Variants in CCDC57 observed in about 807,000 individuals in gnomAD.
The protein encoded by CCDC57 is coiled-coil domain containing 57.
Under a neutral mutation model 118.9 loss-of-function variants are expected in CCDC57, and 118 were observed. The ratio of observed to expected loss-of-function variants is 0.99; its 90% CI spans 0.86 to 1.16. CCDC57 has a LOEUF of 1.16. Among genes scored for constraint, CCDC57 ranks in the 50% most tolerant of loss-of-function variants. The probability of loss-of-function intolerance (pLI) is 0.00; values close to 1 mark genes in which losing one functional copy is unlikely to be tolerated. For missense variants in CCDC57, 1,300 were observed against 1,320.7 expected (o/e 0.98, Z 0.24); for synonymous variants, 527 against 532.9 (o/e 0.99, Z 0.15).
intron 4 of CCDC57, among the ~76,000 whole-genome samples, chr17:82,195,882 C>T (rs1206180831): frequency 6.6e-6 from 1 of 152,188 alleles, no homozygotes; most frequent in African/African-American, 2.4e-5. Flanking sequence ...TGTGTGCTGC[C>T]CAAGTTTCCC....
Position 82,199,334 on chromosome 17 carries a change from C to T in CCDC57, c.408-912G>A, listed in dbSNP as rs546146525. 5.1e-4 allele frequency among the ~76,000 whole-genome samples: 77 copies of T among 151,764 alleles called. 1 individual carries two copies. The highest frequency in any genetic ancestry group is 1.6e-3 in the African/African-American group (66 of 41,364). On this transcript the variant is annotated intron_variant, in intron 3 of 19. Transcript: ENST00000665763. ...CTCCACTAAAAATACAAAAATTAGC[C>T]GGGCATGGTGGCACACACCTGTAGT...
intron 16 of CCDC57, among the ~76,000 whole-genome samples, chr17:82,138,273 C>G (rs554454262): frequency 6.6e-6 from 1 of 151,272 alleles, no homozygotes; most frequent in Admixed American, 6.6e-5. Flanking sequence ...CTCAGCCTCC[C>G]GAGTAGCTGG....
At position 82,157,768 on chromosome 17, in the gene CCDC57, C is replaced by A. The variant is rs544051532; in HGVS notation, c.2221G>T (p.Ala741Ser). Reference sequence around the variant, plus strand: ...CCCACCTCTCTCCCAAGGGCCACGGCGTCCGAGGCTGGGGGCTGCTTCCTG... The same window carrying A: ...CCCACCTCTCTCCCAAGGGCCACGGAGTCCGAGGCTGGGGGCTGCTTCCTG... The change falls in exon 15 of 20, where the codon GCC (alanine) becomes TCC (serine). Residue 741 changes from alanine (A) to serine (S), a missense_variant. Ala to Ser is a moderately conservative substitution (Grantham distance 99, BLOSUM62 1). Coordinates refer to ENST00000665763, the Ensembl canonical transcript of CCDC57. The A allele has an allele frequency of 3.0e-5, 48 of 1,601,468 alleles. No individual in the cohort carries two copies. In the East Asian group the frequency reaches 9.2e-4, roughly 31 times the overall value.
chr17:82,179,280 G>T, intron 9 of CCDC57, 91 bp from the exon 9 acceptor site: 1 of 1,428,998 alleles, frequency 7.0e-7, no homozygotes. Context: ...CAGGGCTGCC[G>T]CTGTCCCTCC....
At position 82,126,664 on chromosome 17, in the gene CCDC57, G is replaced by A. The variant is rs539335283; in HGVS notation, c.2899+1028C>T. ...TGCTGGGAGCAGCCTCTGGGTGGGTGGCGGAGGCTGAGGCGATGCTGTCCA... is the reference window on the plus strand; with the variant it reads ...TGCTGGGAGCAGCCTCTGGGTGGGTAGCGGAGGCTGAGGCGATGCTGTCCA... On this transcript the variant is annotated intron_variant, in intron 19 of 19. Transcript: ENST00000665763. 40 of 985,278 alleles carry A rather than the reference G, an allele frequency of 4.1e-5. No individual in the cohort carries two copies. The South Asian group carries it at 1.3e-3, about 32-fold the overall frequency. The allele number at this position is 985,278 out of a possible 1,614,324, so 61.0% of individuals were successfully genotyped here.
Position 82,201,803 on chromosome 17 carries a change from C to T in CCDC57, c.142G>A (p.Gly48Arg), listed in dbSNP as rs1029851708. ...TCCTCCTGCAGGCACCGCAGTTTCCCCTGCGCCTCCTCCAGCTGGCTCCGT... is the reference window on the plus strand; with the variant it reads ...TCCTCCTGCAGGCACCGCAGTTTCCTCTGCGCCTCCTCCAGCTGGCTCCGT... The change falls in exon 3 of 20, where the codon GGG becomes AGG. Residue 48 changes from glycine (G) to arginine (R), a missense_variant. By Grantham distance (125) the Gly-to-Arg change is moderately radical (BLOSUM62 -2). Transcript: ENST00000665763. 6 of 1,613,502 alleles carry T rather than the reference C, an allele frequency of 3.7e-6. No individual in the cohort carries two copies. In the African/African-American group the frequency reaches 5.3e-5, roughly 14 times the overall value.
intron 13 of CCDC57, among the ~76,000 whole-genome samples, chr17:82,170,235 C>T (rs947286742): frequency 2.6e-5 from 4 of 152,084 alleles, no homozygotes; most frequent in African/African-American, 7.2e-5. Flanking sequence ...AAGAGTCGGG[C>T]GCGGTGTCTC....
intron 2 of CCDC57, among the ~76,000 whole-genome samples, chr17:82,207,086 G>A (rs2049751480): frequency 6.6e-6 from 1 of 152,164 alleles, no homozygotes; most frequent in African/African-American, 2.4e-5. Flanking sequence ...ACTGGCCCCG[G>A]TTGTCCCAGC....
chr17:82,152,077 T>C lies in CCDC57; in HGVS notation c.2242-304A>G, dbSNP rs1409280638. The C allele has an allele frequency of 3.6e-5, 14 of 393,964 alleles. No homozygotes were observed. In the East Asian group the frequency reaches 7.0e-4, roughly 20 times the overall value. 24.4% of individuals were successfully genotyped at this position (393,964 alleles called of 1,614,324 possible). ...GCCATCCCTGCCTTCTGGTCATCTA[T>C]GCCTTTGTGTCTTTCAAGTGAACAC... On this transcript the variant is annotated intron_variant, in intron 15 of 19. Transcript: ENST00000665763.
At chr17:82,204,720 T>C (rs923024620) in intron 2 of CCDC57, among the ~76,000 whole-genome samples, 1 of 152,086 alleles carries the variant, frequency 6.6e-6, no homozygotes, top group African/African-American at 2.4e-5. Context: ...GAGGCGAAGC[T>C]TGCAGTGAGC....
intron 9 of CCDC57, among the ~76,000 whole-genome samples, chr17:82,182,796 C>A (rs2046372938): frequency 6.6e-6 from 1 of 152,102 alleles, no homozygotes; most frequent in African/African-American, 2.4e-5. Flanking sequence ...AGTGATTCTC[C>A]CACCTCAGCC....
intron 11 of CCDC57, among the ~76,000 whole-genome samples, chr17:82,178,182 G>A (rs1193152770): frequency 6.6e-6 from 1 of 152,226 alleles, no homozygotes; most frequent in African/African-American, 2.4e-5. Context: ...AAAATGACCT[G>A]CTGTGACAGT....
At chr17:82,140,596 A>G (rs1234473102) in intron 16 of CCDC57, among the ~76,000 whole-genome samples, 1 of 152,190 alleles carries the variant, frequency 6.6e-6, no homozygotes, top group East Asian at 1.9e-4. Flanking sequence ...TCAAAGTAAT[A>G]TAGTTATTTG....
chr17:82,165,875 A>G (rs1251567081), intron 13 of CCDC57, among the ~76,000 whole-genome samples: 1 of 152,212 alleles, frequency 6.6e-6, no homozygotes, highest in African/African-American at 2.4e-5. Flanking sequence ...TCAGCCCACC[A>G]GAGCGGGCCA....
intron 1 of CCDC57, among the ~76,000 whole-genome samples, chr17:82,209,806 G>T (rs1425222327): frequency 6.6e-6 from 1 of 152,146 alleles, no homozygotes; most frequent in East Asian, 1.9e-4. Flanking sequence ...TATATACAGA[G>T]ACACAGATAT....
intron 8 of CCDC57, 97 bp from the exon 8 acceptor site, chr17:82,184,029 G>GCTCACACACACA: frequency 4.2e-6 from 1 of 235,814 alleles, no homozygotes; most frequent in Non-Finnish European, 7.5e-6. Flanking sequence ...GCGCGCGCGC[G>GCTCACACACACA]CGCACACACA....
At chr17:82,206,119 A>G (rs2146981884) in intron 2 of CCDC57, among the ~76,000 whole-genome samples, 1 of 152,328 alleles carries the variant, frequency 6.6e-6, no homozygotes, top group South Asian at 2.1e-4. Context: ...CGGGGAGGGA[A>G]GGCCTCGCTG....
intron 16 of CCDC57, among the ~76,000 whole-genome samples, chr17:82,148,157 GGAT>G (rs2041134587): frequency 6.9e-6 from 1 of 145,474 alleles, no homozygotes. Flanking sequence ...ATGGATGGAT[GGAT>G]GGATGGATGA....
rs2044828775 is a variant in CCDC57 at position 82,172,149 on chromosome 17, T to C, written c.1730-296A>G. Among the ~76,000 whole-genome samples, 1 of 152,234 alleles carries C rather than the reference T, an allele frequency of 6.6e-6. No homozygotes were observed. The highest frequency in any genetic ancestry group is 2.4e-5 in the African/African-American group (1 of 41,476). The stretch of plus-strand genomic sequence containing the variant: ...ATGCTCCACCTGCCGCCAGCCCACG[T>C]GCCTCTGTGCAGAGGGGCCAAGTCC... On this transcript the variant is annotated intron_variant, in intron 12 of 19. Transcript: ENST00000665763. The surrounding 1 kb of genome is among the most constrained non-coding windows in gnomAD (Gnocchi z 5.2).
Sources: allele counts gnomAD v4.1 joint callset (sites outside exome capture counted in the v4.1 genomes callset), GRCh38; gene constraint gnomAD v4.1.1; non-coding constraint Gnocchi (gnomAD v3.1); transcripts MANE v1.5; gene names NCBI Gene and HGNC (gene_info 2026-07-23, HGNC 2026-07-21).